Variants in CPEB4 observed in about 807,000 individuals in gnomAD.
CPEB4 encodes the protein cytoplasmic polyadenylation element binding protein 4.
A neutral mutation model predicts 72.5 loss-of-function variants in CPEB4; 12 were observed. The observed-to-expected ratio is 0.17, with a 90% CI of 0.11 to 0.27. CPEB4 has a LOEUF of 0.27. Among genes scored for constraint, CPEB4 ranks in the 10% least tolerant of loss-of-function variants. The pLI is 1.00. For missense variants in CPEB4, 614 were observed against 908.5 expected, an observed-to-expected ratio of 0.68 and a Z score of 4.17; for synonymous variants, 302 against 326.3, an observed-to-expected ratio of 0.93 and a Z score of 0.80.
At chr5:173,918,906 T>C (rs776980989) in intron 2 of CPEB4, among the ~76,000 whole-genome samples, 1 of 152,194 alleles carries the variant, frequency 6.6e-6, no homozygotes, top group Non-Finnish European at 1.5e-5. Flanking sequence ...TTTGAGGCCA[T>C]GAAAATCGGT....
intron 2 of CPEB4, chr5:173,918,400 T>A (rs541200831): frequency 3.9e-5 from 6 of 152,264 alleles, no homozygotes; most frequent in African/African-American, 1.2e-4. Context: ...CTCACTGTAC[T>A]GTGTAGGTTG....
intron 3 of CPEB4, among the ~76,000 whole-genome samples, chr5:173,941,842 C>T (rs1339610676): frequency 1.3e-5 from 2 of 152,216 alleles, no homozygotes; most frequent in Non-Finnish European, 2.9e-5. Context: ...TGCACCACTC[C>T]AGCCTGGGTG....
intron 9 of CPEB4, among the ~76,000 whole-genome samples, chr5:173,953,964 G>A (rs1039337041): frequency 1.3e-5 from 2 of 152,082 alleles, no homozygotes; most frequent in Non-Finnish European, 2.9e-5. Context: ...AGACCAGAAT[G>A]TGTAATCAAC....
rs890970316 is a variant in CPEB4 at position 173,931,387 on chromosome 5, G to A, written c.1208-1063G>A. ...GTTCTGTGGGGTCAGAGTTCAGACTGCTGTTTCCTAAAGGAATGTTTGTAG... is the reference window on the plus strand; with the variant it reads ...GTTCTGTGGGGTCAGAGTTCAGACTACTGTTTCCTAAAGGAATGTTTGTAG... On this transcript the variant is annotated intron_variant, in intron 2 of 9. Transcript: ENST00000265085. Among the ~76,000 whole-genome samples, 7 of 152,168 alleles carry A rather than the reference G, an allele frequency of 4.6e-5. No individual in the cohort carries two copies. In the South Asian group the frequency reaches 1.5e-3, roughly 32 times the overall value.
At chr5:173,905,441 C>T (rs1756400318) in intron 1 of CPEB4, among the ~76,000 whole-genome samples, 1 of 151,944 alleles carries the variant, frequency 6.6e-6, no homozygotes, top group Admixed American at 6.6e-5. Flanking sequence ...TCAAACGATT[C>T]TCCTGCCTCA....
chr5:173,910,292 G>T (rs1470706983), intron 1 of CPEB4, among the ~76,000 whole-genome samples: 2 of 152,174 alleles, frequency 1.3e-5, no homozygotes, highest in African/African-American at 4.8e-5. Flanking sequence ...TAAATGTGAT[G>T]CTTTTGTTGA....
intron 1 of CPEB4, among the ~76,000 whole-genome samples, chr5:173,907,320 A>T (rs541260666): frequency 6.6e-6 from 1 of 152,308 alleles, no homozygotes; most frequent in East Asian, 1.9e-4. Context: ...AAAAACAAAA[A>T]CAAAAACTTA....
intron 1 of CPEB4, chr5:173,892,958 A>G (rs983321240): frequency 6.6e-6 from 1 of 150,744 alleles, no homozygotes. Flanking sequence ...TTCAAAAGTA[A>G]ATTGTTAATT....
chr5:173,941,101 C>G (rs1757821408), intron 3 of CPEB4, among the ~76,000 whole-genome samples: 1 of 152,090 alleles, frequency 6.6e-6, no homozygotes, highest in African/African-American at 2.4e-5. Context: ...TTATTCTTTT[C>G]AAATATCTGT....
intron 5 of CPEB4, among the ~76,000 whole-genome samples, 153 bp downstream of exon 5, chr5:173,945,293 A>G (rs1259558489): frequency 2.0e-5 from 3 of 152,150 alleles, no homozygotes; most frequent in Admixed American, 1.3e-4. Context: ...GGCATATAAG[A>G]TTAATTCATA....
intron 1 of CPEB4, among the ~76,000 whole-genome samples, chr5:173,898,317 CT>C (rs1352135451): frequency 1.3e-5 from 2 of 151,578 alleles, no homozygotes; most frequent in Admixed American, 1.3e-4. Context: ...TCTATGAGAC[CT>C]TAAAAAAATA....
Position 173,951,812 on chromosome 5 carries a change from T to C in CPEB4, c.1666-12T>C, listed in dbSNP as rs373714527. 91 of 1,562,184 alleles carry C rather than the reference T, an allele frequency of 5.8e-5. No homozygotes were observed. The African/African-American group carries it at 1.1e-3, about 19-fold the overall frequency. ...ATTGAGAATGAGACATTTTGGTTTG[T>C]ACATTCCCTAGGTCCAGATTCGGCC... On this transcript the variant is annotated splice_polypyrimidine_tract_variant and intron_variant, in intron 7 of 9. Transcript: ENST00000265085.
chr5:173,932,052 G>A (rs1757466259), intron 2 of CPEB4, among the ~76,000 whole-genome samples: 2 of 152,174 alleles, frequency 1.3e-5, no homozygotes, highest in Admixed American at 6.6e-5. Flanking sequence ...GTAGGCATAA[G>A]CCTGGCACTT....
chr5:173,953,377 C>A, intron 9 of CPEB4, 105 bp downstream of exon 9: 4 of 831,868 alleles, frequency 4.8e-6, no homozygotes, highest in Non-Finnish European at 5.5e-6. Flanking sequence ...TGACAGCTGA[C>A]AATTTTGCCT....
intron 5 of CPEB4, among the ~76,000 whole-genome samples, chr5:173,949,016 A>G (rs569621585): frequency 6.6e-6 from 1 of 152,370 alleles, no homozygotes; most frequent in South Asian, 2.1e-4. Context: ...ATGAAAGACA[A>G]GAAAGAACAT....
At chr5:173,907,511 A>C (rs1756485267) in intron 1 of CPEB4, among the ~76,000 whole-genome samples, 1 of 152,218 alleles carries the variant, frequency 6.6e-6, no homozygotes, top group South Asian at 2.1e-4. Context: ...GAAAAACAAC[A>C]CTAAACTTAA....
chr5:173,902,282 T>C (rs62376951), intron 1 of CPEB4, among the ~76,000 whole-genome samples: 17,513 of 152,194 alleles, frequency 0.12, 1,384 homozygotes, highest in Non-Finnish European at 0.16. Flanking sequence ...GAAACTTCTG[T>C]AGCCTGGTAC....
chr5:173,941,332 A>T (rs1275615581), intron 3 of CPEB4, among the ~76,000 whole-genome samples: 4 of 152,172 alleles, frequency 2.6e-5, no homozygotes, highest in Non-Finnish European at 4.4e-5. Context: ...TAAACTTAAG[A>T]CCTATTAAAG....
intron 5 of CPEB4, among the ~76,000 whole-genome samples, chr5:173,947,906 G>A (rs9968666): frequency 0.014 from 2,119 of 152,166 alleles, 54 homozygotes; most frequent in African/African-American, 0.047. Context: ...AGACGAGCCC[G>A]GAGTATCTTC....
Sources: allele counts gnomAD v4.1 joint callset (sites outside exome capture counted in the v4.1 genomes callset), GRCh38; gene constraint gnomAD v4.1.1; transcripts MANE v1.5; gene names NCBI Gene and HGNC (gene_info 2026-07-23, HGNC 2026-07-21).